KDM4C: variants seen among roughly 807,000 people sequenced by gnomAD.
KDM4C encodes the protein lysine-specific demethylase 4C.
KDM4C carries 81 observed loss-of-function variants against 129.3 expected under a neutral mutation model. The ratio of observed to expected loss-of-function variants is 0.63; its 90% CI spans 0.52 to 0.75. The LOEUF (loss-of-function observed/expected upper bound fraction) is 0.75, where lower values mean the gene tolerates loss of function less well. KDM4C is among the 30% of genes least tolerant of loss of function. The probability of loss-of-function intolerance (pLI) is 0.00; values close to 1 mark genes in which losing one functional copy is unlikely to be tolerated. For missense variants in KDM4C, 1,457 were observed against 1,304.0 expected, an observed-to-expected ratio of 1.12 and a Z score of -1.81; for synonymous variants, 573 against 456.1, an observed-to-expected ratio of 1.26 and a Z score of -3.26.
At chr9:7,042,755 G>C (rs933077899) in intron 15 of KDM4C, among the ~76,000 whole-genome samples, 3 of 151,964 alleles carry the variant, frequency 2.0e-5, no homozygotes, top group Admixed American at 6.6e-5. Flanking sequence ...CTTATGCTTT[G>C]GGGCAGAAGA....
chr9:6,964,830 T>A (rs1830656738), intron 8 of KDM4C, among the ~76,000 whole-genome samples: 1 of 146,048 alleles, frequency 6.8e-6, no homozygotes, highest in South Asian at 2.1e-4. Flanking sequence ...AGCACATGCC[T>A]GTAATCCCAG....
At chr9:7,082,772 G>A (rs183518688) in intron 17 of KDM4C, among the ~76,000 whole-genome samples, 11 of 152,288 alleles carry the variant, frequency 7.2e-5, no homozygotes, top group African/African-American at 1.4e-4. Flanking sequence ...AGACAATTTT[G>A]TCAAGCATTT....
chr9:7,114,946 G>T (rs2133244242), intron 18 of KDM4C, among the ~76,000 whole-genome samples: 1 of 152,234 alleles, frequency 6.6e-6, no homozygotes, highest in East Asian at 1.9e-4. Context: ...GGTCGTGGTG[G>T]TGTGCGCCTA....
At chr9:6,962,154 T>C (rs190719682) in intron 8 of KDM4C, among the ~76,000 whole-genome samples, 62 of 152,134 alleles carry the variant, frequency 4.1e-4, no homozygotes, top group African/African-American at 7.0e-4. Context: ...GCAATAGGAG[T>C]GAATTTGATT....
intron 4 of KDM4C, among the ~76,000 whole-genome samples, chr9:6,848,258 T>C (rs933607142): frequency 3.3e-5 from 5 of 152,194 alleles, no homozygotes; most frequent in African/African-American, 9.7e-5. Context: ...CATTTCAGTT[T>C]CCCCATGATT....
chr9:6,830,741 A>C (rs943219734), intron 4 of KDM4C, among the ~76,000 whole-genome samples: 7 of 152,256 alleles, frequency 4.6e-5, no homozygotes, highest in African/African-American at 1.2e-4. Context: ...AAATGAGGCC[A>C]CTGGAAGTAC....
intron 15 of KDM4C, among the ~76,000 whole-genome samples, chr9:7,022,637 CTTT>C (rs375675040): frequency 1.3e-4 from 18 of 133,972 alleles, no homozygotes; most frequent in East Asian, 4.5e-4. Flanking sequence ...CCCTTTATTT[CTTT>C]TTTTTTTTTT....
At chr9:7,124,582 A>C (rs1654126644) in intron 18 of KDM4C, among the ~76,000 whole-genome samples, 1 of 152,222 alleles carries the variant, frequency 6.6e-6, no homozygotes, top group South Asian at 2.1e-4. Context: ...GGATATATTT[A>C]AAGGGGATGA....
intron 5 of KDM4C, among the ~76,000 whole-genome samples, chr9:6,865,282 A>G (rs1841748620): frequency 6.6e-6 from 1 of 152,178 alleles, no homozygotes; most frequent in Non-Finnish European, 1.5e-5. Flanking sequence ...TTTTGGGATT[A>G]CAAGCGTGAG....
At chr9:7,073,841 G>T (rs1210543180) in intron 17 of KDM4C, among the ~76,000 whole-genome samples, 1 of 152,092 alleles carries the variant, frequency 6.6e-6, no homozygotes, top group Non-Finnish European at 1.5e-5. Flanking sequence ...ACAAACAGTT[G>T]GTCTGTCAGA....
intron 4 of KDM4C, among the ~76,000 whole-genome samples, chr9:6,831,619 G>C (rs1258803835): frequency 6.6e-6 from 1 of 152,132 alleles, no homozygotes; most frequent in Non-Finnish European, 1.5e-5. Context: ...TGGGATTACA[G>C]GTGTAAGCCA....
intron 5 of KDM4C, among the ~76,000 whole-genome samples, chr9:6,857,044 G>A (rs779534623): frequency 1.4e-4 from 21 of 152,156 alleles, no homozygotes; most frequent in Non-Finnish European, 2.8e-4. Context: ...GTAGAGATGG[G>A]ATCTTCCTAT....
chr9:6,986,740 A>G, intron 11 of KDM4C, 74 bp downstream of exon 11: 3 of 1,042,774 alleles, frequency 2.9e-6, no homozygotes, highest in Non-Finnish European at 4.2e-6. Flanking sequence ...CATGCTGTGC[A>G]CTGAAATCCT....
chr9:6,882,295 G>T (rs1844575555), intron 6 of KDM4C, among the ~76,000 whole-genome samples: 1 of 152,170 alleles, frequency 6.6e-6, no homozygotes, highest in Admixed American at 6.5e-5. Context: ...AAATATGGAG[G>T]AGAAGAGAGT....
chr9:6,923,169 C>G (rs547607621), intron 8 of KDM4C, among the ~76,000 whole-genome samples: 1 of 151,996 alleles, frequency 6.6e-6, no homozygotes, highest in Non-Finnish European at 1.5e-5. Context: ...ACCTGGGGGC[C>G]GAGATTATGG....
At chr9:7,000,772 C>T (rs1040484025) in intron 12 of KDM4C, among the ~76,000 whole-genome samples, 33 of 151,962 alleles carry the variant, frequency 2.2e-4, no homozygotes, top group African/African-American at 7.7e-4. Context: ...AATGTCTCAG[C>T]CTTATAGACC....
chr9:7,116,788 T>C (rs1055208205), intron 18 of KDM4C, among the ~76,000 whole-genome samples: 3 of 152,198 alleles, frequency 2.0e-5, no homozygotes, highest in Admixed American at 6.5e-5. Context: ...CAGAGAAACC[T>C]AGGAAGTTTG....
chr9:6,843,662 G>T (rs1837370439), intron 4 of KDM4C, among the ~76,000 whole-genome samples: 1 of 152,192 alleles, frequency 6.6e-6, no homozygotes, highest in Non-Finnish European at 1.5e-5. Flanking sequence ...GGTGGAGCCA[G>T]CATTTGGTTG....
At chr9:7,053,848 T>G (rs1374345387) in intron 17 of KDM4C, among the ~76,000 whole-genome samples, 1 of 152,176 alleles carries the variant, frequency 6.6e-6, no homozygotes, top group Non-Finnish European at 1.5e-5. Context: ...AGTCATCCTG[T>G]TACAGGGCAG....
Sources: allele counts gnomAD v4.1 joint callset (sites outside exome capture counted in the v4.1 genomes callset), GRCh38; gene constraint gnomAD v4.1.1; transcripts MANE v1.5; gene names NCBI Gene and HGNC (gene_info 2026-07-23, HGNC 2026-07-21).